The following IL11 variants were observed in gnomAD, a reference collection of about 807,000 sequenced individuals.
IL11 encodes the protein interleukin 11, also known as interleukin-11.
IL11 carries 17 observed loss-of-function variants against 18.1 expected under a neutral mutation model. The ratio of observed to expected loss-of-function variants is 0.94; its 90% CI spans 0.64 to 1.41. The LOEUF is 1.41. Among genes scored for constraint, IL11 ranks in the 40% most tolerant of loss-of-function variants. The probability of loss-of-function intolerance (pLI) is 0.00; values close to 1 mark genes in which losing one functional copy is unlikely to be tolerated. For synonymous variants in IL11, 144 were observed against 134.1 expected, an observed-to-expected ratio of 1.07 and a Z score of -0.51; for missense variants, 309 against 262.8, an observed-to-expected ratio of 1.18 and a Z score of -1.22.
chr19:55,368,903 G>C lies in IL11; in HGVS notation c.46C>G (p.Pro16Ala). 1.3e-6 allele frequency: 2 copies of C among 1,555,828 alleles called. No homozygotes were observed. Among genetic ancestry groups the C allele is most frequent in the Non-Finnish European group, 1.7e-6 (2 of 1,148,740 alleles). ...RLVLVVLSLW[P>A]DTAVAPGPPP... ...GGCCCAGGGGCGACAGCTGTATCTGGCCACAGGCTCAGCACGACCAGGACC... is the reference window on the plus strand; with the variant it reads ...GGCCCAGGGGCGACAGCTGTATCTGCCCACAGGCTCAGCACGACCAGGACC... The change falls in exon 2 of 5, where the codon CCA becomes GCA. Residue 16 changes from proline to alanine, a missense_variant. Coordinates refer to ENST00000264563, the MANE Select transcript of IL11 (RefSeq NM_000641.4).
Position 55,365,712 on chromosome 19 carries a change from G to A in IL11, c.*295C>T. On this transcript the variant is annotated 3_prime_UTR_variant, in exon 5 of 5. Transcript: ENST00000264563. ...TAATATATGTTCCTGCCCAGGCCTA[G>A]ATGGGGAAGAGCCAGGGCAGAAGTC... 2.3e-6 allele frequency: 1 copy of A among 443,234 alleles called. No homozygotes were observed. The allele number at this position is 443,234 out of a possible 1,614,324, so 27.5% of individuals were successfully genotyped here.
chr19:55,368,418 C>T (rs754432010), intron 3 of IL11, 47 bp from the exon 4 acceptor site: 12 of 1,581,028 alleles, frequency 7.6e-6, no homozygotes, highest in Admixed American at 1.7e-5. Flanking sequence ...CAGTGCCCCT[C>T]ATCCTCCCCG....
intron 4 of IL11, 141 bp downstream of exon 4, chr19:55,368,069 A>T: frequency 1.5e-6 from 1 of 681,646 alleles, no homozygotes; most frequent in Non-Finnish European, 2.4e-6. Flanking sequence ...AGGGTCTCAG[A>T]GCGGGCTGTT....
chr19:55,369,113 G>C lies in IL11; in HGVS notation c.8-172C>G. The stretch of plus-strand genomic sequence containing the variant: ...TCCTAGGTCTGAGGGAGGAAGGCCT[G>C]GGGTCTGGACTCCTGGGTCTCGGGG... On this transcript the variant is annotated intron_variant, in intron 1 of 4. Transcript: ENST00000264563. The surrounding 1 kb of genome is among the most constrained non-coding windows in gnomAD (Gnocchi z 6.1). 1 of 559,948 alleles carries C rather than the reference G, an allele frequency of 1.8e-6. No individual in the cohort carries two copies. Among genetic ancestry groups the C allele is most frequent in the South Asian group, 2.7e-5 (1 of 37,144 alleles). 34.7% of individuals were successfully genotyped at this position (559,948 alleles called of 1,614,324 possible).
At position 55,370,351 on chromosome 19, in the gene IL11, G is replaced by C. The variant is rs372539987; in HGVS notation, c.-41C>G. On this transcript the variant is annotated 5_prime_UTR_variant, in exon 1 of 5. Coordinates refer to ENST00000264563, the MANE Select transcript of IL11 (RefSeq NM_000641.4). ...GGGGTTCCCCAGGGCAGGGGGCAGG[G>C]AGCCGGGGGCCTTTAACCCTTCCCT... 4 of 1,402,610 alleles carry C rather than the reference G, an allele frequency of 2.9e-6. No homozygotes were observed. The highest frequency in any genetic ancestry group is 2.0e-4 in the Middle Eastern group (1 of 4,998). 86.9% of individuals were successfully genotyped at this position (1,402,610 alleles called of 1,614,324 possible).
intron 1 of IL11, 42 bp from the exon 2 acceptor site, chr19:55,368,983 G>A (rs773931783): frequency 3.3e-5 from 48 of 1,451,834 alleles, no homozygotes; most frequent in Non-Finnish European, 4.2e-5. Context: ...TGGACTCCGG[G>A]TCTGAGAGAG....
At chr19:55,367,994 CAGGGTCAGGGTCTCAGAGCAGGACTGTT>C (rs1348493911) in intron 4 of IL11, among the ~76,000 whole-genome samples, 188 bp downstream of exon 4, 5 of 151,764 alleles carry the variant, frequency 3.3e-5, no homozygotes, top group African/African-American at 4.8e-5. Flanking sequence ...CTTGGGACTG[CAGGGTCAGGGTCTCAGAGCAGGACTGTT>C]AGGGTCAGGG....
chr19:55,366,217 G>A lies in IL11; in HGVS notation c.430-40C>T. ...GAGAGGTGAGTCACAGGTAGGGGGT[G>A]CAGCGGGGGTGCAGGGCAGGGGTGC... is the stretch of plus-strand genomic sequence containing the variant. On this transcript the variant is annotated intron_variant, in intron 4 of 4. Transcript: ENST00000264563. This position sits in a 1 kb window ranked among gnomAD's most constrained non-coding sequence, Gnocchi z 4.6. The A allele has an allele frequency of 1.4e-6, 2 of 1,447,354 alleles. No homozygotes were observed. Among genetic ancestry groups the A allele is most frequent in the Middle Eastern group, 2.6e-4 (1 of 3,908 alleles). 89.7% of individuals were successfully genotyped at this position (1,447,354 alleles called of 1,614,324 possible).
rs1044050712 is a variant in IL11, at chr19:55,366,467, G to A, written c.430-290C>T. Reference sequence around the variant, plus strand: ...GATCGGGCCTGGGACTGTTAGAGTCGCCGGGGCTGGAATCTCAGAGCTGGG... The same window carrying A: ...GATCGGGCCTGGGACTGTTAGAGTCACCGGGGCTGGAATCTCAGAGCTGGG... On this transcript the variant is annotated intron_variant, in intron 4 of 4. Coordinates refer to ENST00000264563, the MANE Select transcript of IL11 (RefSeq NM_000641.4). This position sits in a 1 kb window ranked among gnomAD's most constrained non-coding sequence, Gnocchi z 4.6. Among the ~76,000 whole-genome samples the A allele has an allele frequency of 1.8e-4, 28 of 151,952 alleles. 1 individual carries two copies. Among genetic ancestry groups the A allele is most frequent in the South Asian group, 2.1e-4 (1 of 4,818 alleles).
chr19:55,370,436 G>T lies in IL11; in HGVS notation c.-126C>A. On this transcript the variant is annotated 5_prime_UTR_variant, in exon 1 of 5. Transcript: ENST00000264563. The stretch of plus-strand genomic sequence containing the variant: ...GCCGCGGCCTGGGGAGGGGAGGCAT[G>T]TGCCCTGAGCAGCAGGGCCGCGGCA... 2 of 593,178 alleles carry T rather than the reference G, an allele frequency of 3.4e-6. No homozygotes were observed. The highest frequency in any genetic ancestry group is 2.0e-5 in the African/African-American group (1 of 50,308). 36.7% of individuals were successfully genotyped at this position (593,178 alleles called of 1,614,324 possible). A position where few individuals can be genotyped will look rare whatever the true frequency, so the allele number is the denominator to read the frequency against.
chr19:55,369,051 TCC>T lies in IL11; in HGVS notation c.8-112_8-111del. On this transcript the variant is annotated intron_variant, in intron 1 of 4. Transcript: ENST00000264563. The surrounding 1 kb of genome is among the most constrained non-coding windows in gnomAD (Gnocchi z 6.1). ...GAGGAGGAACTGGGGTCTGGACTCCTCCTGGGTCTGAGGGAGGAGAGGCTGGG... is the reference window on the plus strand; with the variant it reads ...GAGGAGGAACTGGGGTCTGGACTCCTTGGGTCTGAGGGAGGAGAGGCTGGG... The T allele has an allele frequency of 9.8e-7, 1 of 1,015,922 alleles. No homozygotes were observed. The highest frequency in any genetic ancestry group is 1.4e-6 in the Non-Finnish European group (1 of 718,052). The allele number at this position is 1,015,922 out of a possible 1,614,324, so 62.9% of individuals were successfully genotyped here. A position where few individuals can be genotyped will look rare whatever the true frequency, so the allele number is the denominator to read the frequency against.
In IL11 at chr19:55,368,568, C is replaced by T. The variant is rs1384166700; in HGVS notation, c.182G>A (p.Arg61Lys). ...ADTRQLAAQL[R>K]DKFPADGDHN... is the part of the protein sequence containing the mutation. ...GTCCCCGTCAGCTGGGAATTTGTCC[C>T]TCTGGCAGGGAAAAAAGCTGTGAGG... Residue 61 changes from arginine to lysine, a missense_variant and splice_region_variant, in exon 3 of 5, where the codon AGG becomes AAG. By Grantham distance (26) the Arg-to-Lys change is conservative. Coordinates refer to ENST00000264563, the MANE Select transcript of IL11 (RefSeq NM_000641.4). The T allele has an allele frequency of 6.2e-7, 1 of 1,610,486 alleles. No individual in the cohort carries two copies. Among genetic ancestry groups the T allele is most frequent in the South Asian group, 1.1e-5 (1 of 90,222 alleles).
Position 55,370,240 on chromosome 19 carries a change from C to G in IL11, c.7+64G>C, listed in dbSNP as rs995873710. The G allele has an allele frequency of 2.6e-5, 33 of 1,290,326 alleles. No homozygotes were observed. In the African/African-American group the frequency reaches 4.9e-4, roughly 19 times the overall value. The allele number at this position is 1,290,326 out of a possible 1,614,324, so 79.9% of individuals were successfully genotyped here. On this transcript the variant is annotated intron_variant, in intron 1 of 4. Transcript: ENST00000264563. ...GACTCAGCGGGGTCTGCTCCCACCC[C>G]CGCCGTGGGTCCCTCTCCTCCCTGC...
Position 55,368,376 on chromosome 19 carries a change from G to A in IL11, c.268-5C>T, listed in dbSNP as rs1009748230. ...CCTTGTCAGCACACCTGGGAGCTGG[G>A]GATAGAGCCGGGACATCAGAGAACA... On this transcript the variant is annotated splice_polypyrimidine_tract_variant and splice_region_variant and intron_variant, in intron 3 of 4. Coordinates refer to ENST00000264563, the MANE Select transcript of IL11 (RefSeq NM_000641.4). 2 of 1,592,778 alleles carry A rather than the reference G, an allele frequency of 1.3e-6. No homozygotes were observed. The highest frequency in any genetic ancestry group is 1.7e-6 in the Non-Finnish European group (2 of 1,164,608).
At position 55,368,943 on chromosome 19, in the gene IL11, T is replaced by C. The variant is rs1296700419; in HGVS notation, c.8-2A>G. 2 of 1,503,822 alleles carry C rather than the reference T, an allele frequency of 1.3e-6. No individual in the cohort carries two copies. Among genetic ancestry groups the C allele is most frequent in the Non-Finnish European group, 8.9e-7 (1 of 1,120,452 alleles). 93.2% of individuals were successfully genotyped at this position (1,503,822 alleles called of 1,614,324 possible). ...CGACCAGGACCAGGCGGCAAACACC[T>C]GGGGGCAGGATAAGGCAGAGAGCTC... On this transcript the variant is annotated splice_acceptor_variant, in intron 1 of 4. Transcript: ENST00000264563. LOFTEE classifies it high-confidence loss of function.
In IL11 at chr19:55,366,927, G is replaced by T. The variant is rs2089789451; in HGVS notation, c.430-750C>A. Among the ~76,000 whole-genome samples the T allele has an allele frequency of 6.6e-6, 1 of 152,228 alleles. No homozygotes were observed. Among genetic ancestry groups the T allele is most frequent in the South Asian group, 2.1e-4 (1 of 4,826 alleles). ...TCTGCCTTGGCCTCCCCTGCCTTGG[G>T]ATTACAGGAGTGAGCCACTGCTCCC... On this transcript the variant is annotated intron_variant, in intron 4 of 4. Transcript: ENST00000264563. This position sits in a 1 kb window ranked among gnomAD's most constrained non-coding sequence, Gnocchi z 4.6.
rs2089785623 is a variant in IL11 at position 55,366,283 on chromosome 19, G to A, written c.430-106C>T. 2 of 1,222,470 alleles carry A rather than the reference G, an allele frequency of 1.6e-6. No homozygotes were observed. The highest frequency in any genetic ancestry group is 3.3e-5 in the South Asian group (2 of 61,394). 75.7% of individuals were successfully genotyped at this position (1,222,470 alleles called of 1,614,324 possible). ...GAATCGGGGCTGCATATTCACAGGG[G>A]GACTGTGGCGCGTGGGGTGAAGTGT... is the stretch of plus-strand genomic sequence containing the variant. On this transcript the variant is annotated intron_variant, in intron 4 of 4. Coordinates refer to ENST00000264563, the MANE Select transcript of IL11 (RefSeq NM_000641.4). The surrounding 1 kb of genome is among the most constrained non-coding windows in gnomAD (Gnocchi z 4.6).
chr19:55,365,877 C>G lies in IL11; in HGVS notation c.*130G>C. ...AGGCACAGATGCCCCCCAGGCCTCA[C>G]GGAAGGACTGTCTCTAACTAGGGGG... On this transcript the variant is annotated 3_prime_UTR_variant, in exon 5 of 5. Coordinates refer to ENST00000264563, the MANE Select transcript of IL11 (RefSeq NM_000641.4). 7.0e-7 allele frequency: 1 copy of G among 1,435,370 alleles called. No homozygotes were observed. Among genetic ancestry groups the G allele is most frequent in the Non-Finnish European group, 9.5e-7 (1 of 1,056,642 alleles). 88.9% of individuals were successfully genotyped at this position (1,435,370 alleles called of 1,614,324 possible).
chr19:55,368,115 C>G, intron 4 of IL11, 95 bp downstream of exon 4: 1 of 1,125,086 alleles, frequency 8.9e-7, no homozygotes, highest in South Asian at 1.5e-5. Flanking sequence ...CTGTTGCACT[C>G]GGGTCTGGGG....
Sources: allele counts gnomAD v4.1 joint callset (sites outside exome capture counted in the v4.1 genomes callset), GRCh38; gene constraint gnomAD v4.1.1; non-coding constraint Gnocchi (gnomAD v3.1); transcripts MANE v1.5; gene names NCBI Gene and HGNC (gene_info 2026-07-23, HGNC 2026-07-21).